The following SOX5 variants were observed in gnomAD, a reference collection of about 807,000 sequenced individuals.
SOX5 encodes transcription factor SOX-5.
A neutral mutation model predicts 92.0 loss-of-function variants in SOX5; 9 were observed. That is an observed-to-expected ratio of 0.10 (90% CI 0.06 to 0.17). SOX5 has a LOEUF of 0.17. Ranked by LOEUF, SOX5 falls within the 10% of genes least tolerant of loss-of-function variation. SOX5 has a pLI of 1.00. For synonymous variants in SOX5, 344 were observed against 336.3 expected, an observed-to-expected ratio of 1.02 and a Z score of -0.25; for missense variants, 642 against 944.5, an observed-to-expected ratio of 0.68 and a Z score of 4.20.
intron 7 of SOX5, among the ~76,000 whole-genome samples, chr12:23,657,906 A>G (rs758155534): frequency 6.6e-6 from 1 of 152,234 alleles, no homozygotes; most frequent in Non-Finnish European, 1.5e-5. Context: ...ATGTTCTTAA[A>G]TGTTAAAAAG....
intron 1 of SOX5, among the ~76,000 whole-genome samples, chr12:23,945,817 C>G (rs1362600247): frequency 6.6e-6 from 1 of 152,118 alleles, no homozygotes; most frequent in Non-Finnish European, 1.5e-5. Flanking sequence ...ACTTATCACT[C>G]ATGAGCACAA....
intron 2 of SOX5, among the ~76,000 whole-genome samples, chr12:24,309,488 ACGC>A (rs1948960564): frequency 6.6e-6 from 1 of 152,142 alleles, no homozygotes; most frequent in Admixed American, 6.5e-5. Context: ...AAAACTAGTT[ACGC>A]TCTTATTTAA....
intron 8 of SOX5, 109 bp downstream of exon 8, chr12:23,640,703 A>G: frequency 1.3e-6 from 1 of 750,586 alleles, no homozygotes; most frequent in Non-Finnish European, 2.3e-6. Flanking sequence ...TTAAAAACAG[A>G]AAGTGTGAGA....
At chr12:24,007,202 T>C (rs75388914) in intron 4 of SOX5, among the ~76,000 whole-genome samples, 9,680 of 26,424 alleles carry the variant, frequency 0.37, 3,056 homozygotes, top group South Asian at 0.6. Flanking sequence ...TATATAAATG[T>C]ATTTATATAT....
rs547526165 is a variant in SOX5 at position 23,778,050 on chromosome 12, T to C, written c.482-22326A>G. On this transcript the variant is annotated intron_variant, in intron 3 of 14. Transcript: ENST00000451604. ...ATGGCAACATGTTGCAGTGGTTTGA[T>C]GGACTGATCAAATGACAAGGGCATG... 8.5e-5 allele frequency among the ~76,000 whole-genome samples: 13 copies of C among 152,334 alleles called. No individual in the cohort carries two copies. In the South Asian group the frequency reaches 2.1e-3, roughly 24 times the overall value.
intron 4 of SOX5, among the ~76,000 whole-genome samples, chr12:24,131,079 G>A (rs897401733): frequency 6.6e-6 from 1 of 152,118 alleles, no homozygotes; most frequent in Non-Finnish European, 1.5e-5. Flanking sequence ...TCCAATGATA[G>A]CTCATCTGAA....
At chr12:24,397,207 C>CT (rs971337091) in intron 1 of SOX5, among the ~76,000 whole-genome samples, 23 of 151,092 alleles carry the variant, frequency 1.5e-4, no homozygotes, top group Admixed American at 6.6e-4. Context: ...TTCTTCCTCC[C>CT]TTTTTTTTTC....
intron 3 of SOX5, among the ~76,000 whole-genome samples, chr12:23,756,941 C>T (rs572096758): frequency 6.6e-6 from 1 of 151,868 alleles, no homozygotes; most frequent in East Asian, 1.9e-4. Flanking sequence ...TTCCAGGGCC[C>T]CATCTTTACA....
At chr12:24,030,481 T>A (rs1304781669) in intron 4 of SOX5, among the ~76,000 whole-genome samples, 2 of 151,920 alleles carry the variant, frequency 1.3e-5, no homozygotes, top group Non-Finnish European at 2.9e-5. Flanking sequence ...TGGGGGTAAC[T>A]GCATATCCAT....
chr12:23,670,811 C>CACG (rs72509862), intron 6 of SOX5, among the ~76,000 whole-genome samples: 1 of 148,002 alleles, frequency 6.8e-6, no homozygotes, highest in Non-Finnish European at 1.5e-5. Context: ...CAAGCAAAAC[C>CACG]ACAGACATTA....
At chr12:23,723,225 TCTCA>T (rs2092920480) in intron 6 of SOX5, among the ~76,000 whole-genome samples, 1 of 151,964 alleles carries the variant, frequency 6.6e-6, no homozygotes, top group Non-Finnish European at 1.5e-5. Context: ...TCTCTCTCTC[TCTCA>T]AATTGCCCCA....
chr12:23,620,563 G>A (rs1366242561), intron 8 of SOX5, among the ~76,000 whole-genome samples: 1 of 151,956 alleles, frequency 6.6e-6, no homozygotes, highest in Non-Finnish European at 1.5e-5. Context: ...TATGCTTTGA[G>A]TAAATTCATG....
rs561912715 is a variant in SOX5 at position 23,873,183 on chromosome 12, C to T, written c.270+22610G>A. On this transcript the variant is annotated intron_variant, in intron 2 of 14. Transcript: ENST00000451604. ...CATTAAATCATTATCTCTGATCACT[C>T]GATTTAAGGGCCAAGAAATGACTGT... is the stretch of plus-strand genomic sequence containing the variant. Among the ~76,000 whole-genome samples, 5 of 152,188 alleles carry T rather than the reference C, an allele frequency of 3.3e-5. No homozygotes were observed. The South Asian group carries it at 8.3e-4, about 25-fold the overall frequency.
intron 2 of SOX5, among the ~76,000 whole-genome samples, chr12:23,885,462 G>C (rs12316382): frequency 0.041 from 6,276 of 152,158 alleles, 447 homozygotes; most frequent in African/African-American, 0.14. Flanking sequence ...AGACAGGCTG[G>C]ATTTTTAAGA....
At chr12:23,938,855 A>G (rs921977044) in intron 1 of SOX5, among the ~76,000 whole-genome samples, 2 of 151,194 alleles carry the variant, frequency 1.3e-5, no homozygotes, top group East Asian at 3.9e-4. Flanking sequence ...AAACTAAAAT[A>G]TAAGTAAACC....
intron 2 of SOX5, among the ~76,000 whole-genome samples, chr12:24,280,628 C>T (rs755298527): frequency 6.6e-6 from 1 of 152,074 alleles, no homozygotes; most frequent in Non-Finnish European, 1.5e-5. Flanking sequence ...TTAAAGGGGA[C>T]AGAGGCAAGC....
intron 1 of SOX5, among the ~76,000 whole-genome samples, chr12:24,409,936 C>T (rs900304713): frequency 1.1e-4 from 16 of 151,818 alleles, no homozygotes; most frequent in Admixed American, 9.2e-4. Flanking sequence ...TTATTCCAAT[C>T]TGTAGCTTGG....
chr12:23,810,554 T>C (rs1399050125), intron 3 of SOX5, among the ~76,000 whole-genome samples: 1 of 152,164 alleles, frequency 6.6e-6, no homozygotes, highest in Admixed American at 6.5e-5. Flanking sequence ...CTGTTTAGTC[T>C]TCTAGGGCCA....
At chr12:23,662,692 T>C (rs1024496148) in intron 7 of SOX5, among the ~76,000 whole-genome samples, 2 of 152,202 alleles carry the variant, frequency 1.3e-5, no homozygotes, top group Non-Finnish European at 2.9e-5. Flanking sequence ...TTAAACTGTG[T>C]TTCTATTTTT....
Sources: gnomAD v4.1 joint callset for allele counts (sites outside exome capture counted in the v4.1 genomes callset) on GRCh38, gnomAD v4.1.1 for gene constraint, MANE v1.5 for transcripts, NCBI Gene and HGNC (gene_info 2026-07-23, HGNC 2026-07-21) for gene names.